SLC1A3: variants seen among roughly 807,000 people sequenced by gnomAD.
SLC1A3 encodes solute carrier family 1 member 3, also known as excitatory amino acid transporter 1.
A neutral mutation model predicts 48.1 loss-of-function variants in SLC1A3; 21 were observed. The ratio of observed to expected loss-of-function variants is 0.44; its 90% CI spans 0.31 to 0.63. SLC1A3 has a LOEUF of 0.63. Among genes scored for constraint, SLC1A3 ranks in the 20% least tolerant of loss-of-function variants. The pLI, the probability that SLC1A3 is intolerant of heterozygous loss-of-function variation, is 0.08. For missense variants in SLC1A3, 546 were observed against 689.0 expected (o/e 0.79, Z 2.32); for synonymous variants, 239 against 251.4 (o/e 0.95, Z 0.47).
intron 3 of SLC1A3, among the ~76,000 whole-genome samples, chr5:36,651,261 CTG>C (rs1335452689): frequency 1.3e-5 from 2 of 151,930 alleles, no homozygotes; most frequent in East Asian, 1.9e-4. Context: ...CCTAACTCCA[CTG>C]CCCTCTACTA....
intron 3 of SLC1A3, among the ~76,000 whole-genome samples, chr5:36,645,278 C>A (rs1020944072): frequency 6.8e-6 from 1 of 148,000 alleles, no homozygotes; most frequent in African/African-American, 2.5e-5. Context: ...CTAATCGGAC[C>A]TCAAAACCAG....
chr5:36,597,032 G>A (rs1475577733), intron 1 of SLC1A3, among the ~76,000 whole-genome samples: 1 of 151,988 alleles, frequency 6.6e-6, no homozygotes, highest in Non-Finnish European at 1.5e-5. Context: ...TTGGTTGGTT[G>A]TTTTGTTTTG....
At chr5:36,629,414 A>G (rs761796030) in intron 2 of SLC1A3, 36 bp from the exon 3 acceptor site, 1 of 1,590,616 alleles carries the variant, frequency 6.3e-7, no homozygotes, top group Non-Finnish European at 8.6e-7. Flanking sequence ...AAAAAGACTC[A>G]ATTTTTCTTT....
chr5:36,615,034 C>T (rs1210623372), intron 2 of SLC1A3, among the ~76,000 whole-genome samples: 1 of 152,116 alleles, frequency 6.6e-6, no homozygotes, highest in Non-Finnish European at 1.5e-5. Flanking sequence ...AGTAATAATA[C>T]CTTTCATTTT....
intron 1 of SLC1A3, among the ~76,000 whole-genome samples, chr5:36,600,066 T>C (rs1190083665): frequency 6.6e-6 from 1 of 152,152 alleles, no homozygotes; most frequent in Admixed American, 6.5e-5. Context: ...TTCCAGTTTA[T>C]GGGAATTTCA....
chr5:36,623,921 C>T (rs191854334), intron 2 of SLC1A3, among the ~76,000 whole-genome samples: 5 of 151,548 alleles, frequency 3.3e-5, no homozygotes, highest in Admixed American at 2.0e-4. Context: ...TCTCCTTGGT[C>T]GGAAAGACAG....
chr5:36,671,353 A>C, intron 4 of SLC1A3, 120 bp downstream of exon 4: 1 of 735,750 alleles, frequency 1.4e-6, no homozygotes, highest in East Asian at 2.7e-5. Flanking sequence ...GCTTGAAATG[A>C]AGGTCATATA....
chr5:36,665,120 G>T (rs930910863), intron 3 of SLC1A3, among the ~76,000 whole-genome samples: 5 of 152,036 alleles, frequency 3.3e-5, no homozygotes, highest in African/African-American at 7.3e-5. Context: ...ATTAATTGGG[G>T]GAAGATCAAC....
In SLC1A3 at chr5:36,678,791, C is replaced by T. The variant is rs563644406; in HGVS notation, c.861-836C>T. Among the ~76,000 whole-genome samples the T allele has an allele frequency of 2.0e-5, 3 of 152,286 alleles. No individual in the cohort carries two copies. In the South Asian group the frequency reaches 6.2e-4, roughly 32 times the overall value. On this transcript the variant is annotated intron_variant, in intron 6 of 9. Transcript: ENST00000265113. ...GTTTATTGTCTGCAGAAGGAAAGCT[C>T]ATAAATGGCAGTAGCAGCCTGTGGG...
intron 2 of SLC1A3, among the ~76,000 whole-genome samples, chr5:36,628,421 C>T (rs925161036): frequency 6.6e-6 from 1 of 152,186 alleles, no homozygotes; most frequent in African/African-American, 2.4e-5. Context: ...ACCAACCCAC[C>T]ACCCCCAGCC....
chr5:36,673,917 C>A, intron 4 of SLC1A3, 132 bp from the exon 5 acceptor site: 1 of 757,682 alleles, frequency 1.3e-6, no homozygotes, highest in Non-Finnish European at 2.4e-6. Context: ...GCTGTAAAAT[C>A]CACTAACATT....
chr5:36,666,403 A>ATAAAT (rs1741750899), intron 3 of SLC1A3: 1 of 152,228 alleles, frequency 6.6e-6, no homozygotes, highest in Admixed American at 6.5e-5. Flanking sequence ...CTAAAATAAA[A>ATAAAT]TAAAAACTGA....
Position 36,671,168 on chromosome 5 carries a change from A to T in SLC1A3, c.459A>T (p.Glu153Asp), listed in dbSNP as rs368401930. ...TCCATCCTGGGAAGGGCACAAAGGA[A>T]AACATGCACAGAGAAGGCAAAATTG... Reference protein sequence around the residue: ...IIIHPGKGTKENMHREGKIVR... With the variant: ...IIIHPGKGTKDNMHREGKIVR... Residue 153 changes from glutamate to aspartate, a missense_variant, in exon 4 of 10, where the codon GAA (glutamate) becomes GAT (aspartate). Glu to Asp is a conservative substitution (Grantham distance 45). Transcript: ENST00000265113. 98 of 1,613,866 alleles carry T rather than the reference A, an allele frequency of 6.1e-5. No homozygotes were observed. Among genetic ancestry groups the T allele is most frequent in the Middle Eastern group, 1.6e-4 (1 of 6,084 alleles).
chr5:36,600,038 T>A (rs1427910479), intron 1 of SLC1A3, among the ~76,000 whole-genome samples: 1 of 152,124 alleles, frequency 6.6e-6, no homozygotes, highest in Non-Finnish European at 1.5e-5. Flanking sequence ...ATGCTTTTCG[T>A]TTTTCCCCCA....
intron 8 of SLC1A3, among the ~76,000 whole-genome samples, chr5:36,682,726 C>A (rs1011608975): frequency 3.3e-5 from 5 of 152,128 alleles, no homozygotes; most frequent in Admixed American, 2.6e-4. Context: ...TTTAGTCAGT[C>A]GGAAGTGGGG....
At chr5:36,614,982 A>G (rs1739372406) in intron 2 of SLC1A3, among the ~76,000 whole-genome samples, 2 of 152,242 alleles carry the variant, frequency 1.3e-5, no homozygotes. Flanking sequence ...TCTTTCAAGT[A>G]GGTAATCAAA....
At chr5:36,670,839 T>C in intron 3 of SLC1A3, 190 bp from the exon 4 acceptor site, 1 of 635,448 alleles carries the variant, frequency 1.6e-6, no homozygotes, top group South Asian at 1.8e-5. Flanking sequence ...TGCTGATGCC[T>C]CACCATTCTA....
chr5:36,635,244 G>GT (rs1740292666), intron 3 of SLC1A3, among the ~76,000 whole-genome samples: 1 of 151,944 alleles, frequency 6.6e-6, no homozygotes, highest in Admixed American at 6.6e-5. Flanking sequence ...TCTATAAAAT[G>GT]TAAGTGATAA....
Position 36,686,057 on chromosome 5 carries a change from G to C in SLC1A3, c.1425-8G>C, listed in dbSNP as rs202233020. ...CTCGTTTTTCCCTCCTCCCCACCCT[G>C]CCTGCAGGGATCGCCTCCGGACCAC... On this transcript the variant is annotated splice_region_variant and splice_polypyrimidine_tract_variant and intron_variant, in intron 9 of 9. Transcript: ENST00000265113. 1.8e-4 allele frequency: 296 copies of C among 1,613,488 alleles called. No homozygotes were observed. The highest frequency in any genetic ancestry group is 1.6e-4 in the Non-Finnish European group (191 of 1,179,676).
Sources: gnomAD v4.1 joint callset for allele counts (sites outside exome capture counted in the v4.1 genomes callset) on GRCh38, gnomAD v4.1.1 for gene constraint, MANE v1.5 for transcripts, NCBI Gene and HGNC (gene_info 2026-07-23, HGNC 2026-07-21) for gene names.